The following CSMD2 variants were observed in gnomAD, a reference collection of about 807,000 sequenced individuals.
CSMD2 encodes CUB and sushi domain-containing protein 2.
In CSMD2, 130 loss-of-function variants were observed where a neutral mutation model predicts 398.5. That is an observed-to-expected ratio of 0.33 (90% CI 0.28 to 0.38). The LOEUF is 0.38. Among genes scored for constraint, CSMD2 ranks in the 10% least tolerant of loss-of-function variants. The pLI is 1.00. For missense variants in CSMD2, 3,829 were observed against 4,764.9 expected (o/e 0.80, Z 5.78); for synonymous variants, 1,828 against 1,908.5 (o/e 0.96, Z 1.10).
intron 6 of CSMD2, among the ~76,000 whole-genome samples, chr1:33,837,844 G>C (rs1035217336): frequency 1.3e-5 from 2 of 152,202 alleles, no homozygotes; most frequent in Admixed American, 1.3e-4. Flanking sequence ...GACTACAGGA[G>C]ACTGCCAGGC....
intron 46 of CSMD2, 81 bp from the exon 47 acceptor site, chr1:33,583,911 A>G: frequency 8.6e-7 from 1 of 1,169,406 alleles, no homozygotes; most frequent in Admixed American, 2.0e-5. Context: ...TCCCAATACT[A>G]AAGACAACCC....
At chr1:33,929,039 T>C (rs1171306066) in intron 4 of CSMD2, among the ~76,000 whole-genome samples, 4 of 152,200 alleles carry the variant, frequency 2.6e-5, no homozygotes, top group African/African-American at 9.7e-5. Flanking sequence ...TTGCTTCCCT[T>C]TAGGGCACAT....
intron 22 of CSMD2, among the ~76,000 whole-genome samples, chr1:33,704,872 C>T (rs1035433353): frequency 3.3e-5 from 5 of 152,080 alleles, no homozygotes; most frequent in Admixed American, 3.3e-4. Context: ...ACGCCATTCT[C>T]CTGCCCTAGC....
chr1:33,709,241 C>T lies in CSMD2; in HGVS notation c.3424G>A (p.Val1142Ile), dbSNP rs1645905147. 1 of 1,613,458 alleles carries T rather than the reference C, an allele frequency of 6.2e-7. No homozygotes were observed. Among genetic ancestry groups the T allele is most frequent in the Non-Finnish European group, 8.5e-7 (1 of 1,179,810 alleles). ...PRCVAECGNS[V>I]TGTQGTLLSP... ...AGCAAAGTACCCTGAGTGCCTGTGA[C>T]TGAATTCCCACACTCAGCTGGAAAG... Residue 1142 changes from valine (V) to isoleucine (I), a missense_variant, in exon 22 of 71, where the codon GTC becomes ATC. By Grantham distance (29) the Val-to-Ile change is conservative. Transcript: ENST00000373381.
chr1:33,749,033 ACT>A (rs1234173977), intron 13 of CSMD2, among the ~76,000 whole-genome samples: 1 of 151,160 alleles, frequency 6.6e-6, no homozygotes, highest in Admixed American at 6.6e-5. Context: ...AATTCATAAA[ACT>A]CTTTCCAAAT....
At chr1:33,929,472 C>T (rs957369971) in intron 4 of CSMD2, among the ~76,000 whole-genome samples, 1 of 122,920 alleles carries the variant, frequency 8.1e-6, no homozygotes, top group East Asian at 2.4e-4. Flanking sequence ...GAGTCTTGCT[C>T]TGTCACTCAG....
chr1:33,753,958 G>T (rs1020100256), intron 13 of CSMD2, among the ~76,000 whole-genome samples: 11 of 152,150 alleles, frequency 7.2e-5, no homozygotes, highest in Non-Finnish European at 1.5e-4. Context: ...TAAATAATTT[G>T]CTTTTGATCT....
At chr1:33,997,214 G>A (rs1310964919) in intron 3 of CSMD2, among the ~76,000 whole-genome samples, 3 of 152,202 alleles carry the variant, frequency 2.0e-5, no homozygotes, top group East Asian at 3.9e-4. Context: ...GGCCCAACAG[G>A]AAGGACTTGG....
chr1:33,926,343 T>C (rs1324082801), intron 4 of CSMD2, among the ~76,000 whole-genome samples: 2 of 152,208 alleles, frequency 1.3e-5, no homozygotes, highest in Admixed American at 1.3e-4. Context: ...ACATCCCTGC[T>C]TGATAGTGGT....
chr1:33,571,496 C>A (rs757399961), intron 51 of CSMD2, 36 bp downstream of exon 51: 1 of 1,385,564 alleles, frequency 7.2e-7, no homozygotes, highest in Admixed American at 2.2e-5. Flanking sequence ...AGGAGGGACC[C>A]TGCTAAACTT....
Position 34,085,749 on chromosome 1 carries a change from G to A in CSMD2, c.404+3228C>T, listed in dbSNP as rs75662970. Among the ~76,000 whole-genome samples, 233 of 152,124 alleles carry A rather than the reference G, an allele frequency of 1.5e-3. 3 individuals are homozygous for A. In the East Asian group the frequency reaches 0.039, roughly 25 times the overall value. On this transcript the variant is annotated intron_variant, in intron 2 of 70. Transcript: ENST00000373381. ...CCTATTATTTAATAAAAATTAGAAC[G>A]TCATTTTATTTATAAACAGACTTGT... is the stretch of plus-strand genomic sequence containing the variant.
intron 15 of CSMD2, 132 bp downstream of exon 15, chr1:33,739,008 G>A: frequency 3.9e-6 from 3 of 768,244 alleles, no homozygotes; most frequent in South Asian, 3.8e-5. Context: ...GAGGGTGAGA[G>A]AGTGGCCCTT....
intron 2 of CSMD2, among the ~76,000 whole-genome samples, chr1:34,076,934 T>A (rs201605786): frequency 0.11 from 5,927 of 56,246 alleles, 340 homozygotes; most frequent in East Asian, 0.14. Flanking sequence ...AAAAAATATA[T>A]ATATATATAT....
intron 46 of CSMD2, among the ~76,000 whole-genome samples, chr1:33,584,707 T>A (rs570279771): frequency 1.2e-3 from 180 of 150,954 alleles, no homozygotes; most frequent in African/African-American, 4.1e-3. Flanking sequence ...ATATATATAT[T>A]ATGAAATAAT....
chr1:33,572,936 A>C (rs1056822738), intron 49 of CSMD2, among the ~76,000 whole-genome samples: 1 of 152,128 alleles, frequency 6.6e-6, no homozygotes, highest in Non-Finnish European at 1.5e-5. Flanking sequence ...AATATATGGG[A>C]GGGAGCCTCA....
intron 1 of CSMD2, among the ~76,000 whole-genome samples, chr1:34,131,454 A>G (rs1048127973): frequency 3.3e-5 from 5 of 152,120 alleles, no homozygotes; most frequent in African/African-American, 1.2e-4. Context: ...TGCACTCTCT[A>G]GGAGAGTGTG....
intron 5 of CSMD2, among the ~76,000 whole-genome samples, chr1:33,905,988 T>C (rs1643063627): frequency 6.6e-6 from 1 of 152,224 alleles, no homozygotes; most frequent in Admixed American, 6.5e-5. Context: ...TGGAAAGCCA[T>C]GCTGGATTCT....
intron 1 of CSMD2, among the ~76,000 whole-genome samples, chr1:34,123,032 G>A (rs1662350780): frequency 3.9e-5 from 6 of 152,278 alleles, no homozygotes; most frequent in Admixed American, 3.3e-4. Flanking sequence ...GAGGTTAAGT[G>A]GTGCTATTTT....
rs1640960419 is a variant in CSMD2, at chr1:33,610,988, G to A, written c.6343+53C>T. On this transcript the variant is annotated intron_variant, in intron 41 of 70. Coordinates refer to ENST00000373381, the MANE Select transcript of CSMD2 (RefSeq NM_001281956.2). ...GGAAGGCTGGGAAGGTGGGTGGCTG[G>A]GGCAAGAGATGGAGATAGACAGAGA... is the stretch of plus-strand genomic sequence containing the variant. 7 of 1,545,960 alleles carry A rather than the reference G, an allele frequency of 4.5e-6. No homozygotes were observed. The South Asian group carries it at 6.9e-5, about 15-fold the overall frequency.
Sources: allele counts gnomAD v4.1 joint callset (sites outside exome capture counted in the v4.1 genomes callset), GRCh38; gene constraint gnomAD v4.1.1; transcripts MANE v1.5; gene names NCBI Gene and HGNC (gene_info 2026-07-23, HGNC 2026-07-21).